The following CCDC179 variants were observed in gnomAD, a reference collection of about 807,000 sequenced individuals.
The protein encoded by CCDC179 is coiled-coil domain-containing protein 179.
A neutral mutation model predicts 12.0 loss-of-function variants in CCDC179; 17 were observed. That is an observed-to-expected ratio of 1.42 (90% confidence interval 0.97 to 2.13). The LOEUF (loss-of-function observed/expected upper bound fraction) is 2.13. CCDC179 is among the 30% of genes most tolerant of loss of function. The pLI is 0.00. For synonymous variants in CCDC179, 27 were observed against 26.4 expected (o/e 1.02, Z -0.07); for missense variants, 83 against 78.6 (o/e 1.06, Z -0.21).
intron 3 of CCDC179, among the ~76,000 whole-genome samples, chr11:22,850,794 G>GA (rs1222693954): frequency 6.6e-6 from 1 of 151,152 alleles, no homozygotes; most frequent in Non-Finnish European, 1.5e-5. Context: ...AATGAATCAA[G>GA]AGGTACAGGG....
At position 22,857,971 on chromosome 11, in the gene CCDC179, A is replaced by G. The variant is rs1858566345; in HGVS notation, c.146T>C (p.Leu49Pro). The G allele has an allele frequency of 6.5e-7, 1 of 1,529,566 alleles. No individual in the cohort carries two copies. Among genetic ancestry groups the G allele is most frequent in the South Asian group, 1.2e-5 (1 of 82,842 alleles). 94.7% of individuals were successfully genotyped at this position (1,529,566 alleles called of 1,614,324 possible). Residue 49 changes from leucine (L) to proline (P), a missense_variant, in exon 3 of 4, where the codon CTG becomes CCG. By Grantham distance (98) the Leu-to-Pro change is moderately conservative. Coordinates refer to ENST00000532798, the MANE Select transcript of CCDC179 (RefSeq NM_001195637.2). ...MQHLKKEKRR[L>P]NKRFSRPSPI... The stretch of plus-strand genomic sequence containing the variant: ...AGAAGGCCTTGAAAACCTTTTATTC[A>G]GTCTCCTCTTCTCTTTCTTTAGGTG...
At chr11:22,858,123 T>A in intron 2 of CCDC179, 97 bp from the exon 3 acceptor site, 2 of 656,186 alleles carry the variant, frequency 3.0e-6, no homozygotes, top group Non-Finnish European at 4.8e-6. Context: ...ATAAAAAAGG[T>A]AAACACCACC....
chr11:22,857,842 A>G, intron 3 of CCDC179, 80 bp downstream of exon 3: 1 of 657,974 alleles, frequency 1.5e-6, no homozygotes, highest in Non-Finnish European at 2.3e-6. Context: ...GAAAATTTAT[A>G]GTGAATATTA....
intron 3 of CCDC179, among the ~76,000 whole-genome samples, chr11:22,855,167 A>T (rs1858505015): frequency 6.6e-6 from 1 of 151,746 alleles, no homozygotes; most frequent in Non-Finnish European, 1.5e-5. Flanking sequence ...GAAAATCTGT[A>T]AGAATGTATT....
intron 3 of CCDC179, among the ~76,000 whole-genome samples, chr11:22,852,962 G>A (rs1186171856): frequency 6.6e-6 from 1 of 152,086 alleles, no homozygotes; most frequent in Non-Finnish European, 1.5e-5. Flanking sequence ...ACATCAATTA[G>A]TCTCCTGTAT....
intron 3 of CCDC179, among the ~76,000 whole-genome samples, chr11:22,850,959 TATATA>T (rs1858370131): frequency 2.3e-4 from 3 of 13,030 alleles, no homozygotes; most frequent in East Asian, 2.3e-3. Flanking sequence ...TATATATATA[TATATA>T]TATATATATA....
At chr11:22,860,307 CACAGT>C in intron 1 of CCDC179, 65 bp downstream of exon 1, 1 of 1,494,774 alleles carries the variant, frequency 6.7e-7, no homozygotes, top group East Asian at 2.5e-5. Flanking sequence ...TGGCCAAGGC[CACAGT>C]GGCCTGGAGC....
intron 2 of CCDC179, among the ~76,000 whole-genome samples, chr11:22,859,242 A>C (rs935783367): frequency 6.6e-5 from 10 of 152,190 alleles, no homozygotes; most frequent in Middle Eastern, 3.2e-3. Flanking sequence ...TATATGTGTC[A>C]AATGTTACAT....
chr11:22,847,575 A>C, intron 3 of CCDC179, 54 bp from the exon 4 acceptor site: 1 of 961,228 alleles, frequency 1.0e-6, no homozygotes, highest in Non-Finnish European at 1.5e-6. Flanking sequence ...AATTTATATA[A>C]GGAAAGATTA....
At chr11:22,857,632 T>G (rs1052465884) in intron 3 of CCDC179, among the ~76,000 whole-genome samples, 4 of 151,700 alleles carry the variant, frequency 2.6e-5, no homozygotes, top group Admixed American at 6.6e-5. Context: ...AGCCAAAAGA[T>G]TTAAGTGATT....
At chr11:22,852,135 A>G (rs987441143) in intron 3 of CCDC179, among the ~76,000 whole-genome samples, 9 of 152,308 alleles carry the variant, frequency 5.9e-5, no homozygotes, top group Non-Finnish European at 8.8e-5. Flanking sequence ...CAGGGATGAT[A>G]GCAAAGAAGA....
At chr11:22,849,564 A>G (rs1191172765) in intron 3 of CCDC179, among the ~76,000 whole-genome samples, 1 of 152,048 alleles carries the variant, frequency 6.6e-6, no homozygotes, top group East Asian at 1.9e-4. Flanking sequence ...GGTTTTGGTT[A>G]TATTCATAAG....
intron 3 of CCDC179, among the ~76,000 whole-genome samples, chr11:22,852,913 A>G (rs529055500): frequency 2.6e-5 from 4 of 152,220 alleles, no homozygotes; most frequent in Admixed American, 6.5e-5. Flanking sequence ...AATCCTAATC[A>G]TAGGCTATGG....
At chr11:22,859,974 A>AT (rs1318112029) in intron 1 of CCDC179, among the ~76,000 whole-genome samples, 1 of 152,100 alleles carries the variant, frequency 6.6e-6, no homozygotes, top group African/African-American at 2.4e-5. Flanking sequence ...CACTTCCTCT[A>AT]TTTCTTGATT....
intron 3 of CCDC179, among the ~76,000 whole-genome samples, chr11:22,850,213 A>G (rs912532913): frequency 6.6e-6 from 1 of 152,184 alleles, no homozygotes; most frequent in African/African-American, 2.4e-5. Context: ...GCTCGATTTT[A>G]TAGGCTGCCC....
chr11:22,858,426 T>G (rs1464658810), intron 2 of CCDC179, among the ~76,000 whole-genome samples: 1 of 152,034 alleles, frequency 6.6e-6, no homozygotes, highest in African/African-American at 2.4e-5. Context: ...CACACATAGC[T>G]TTTTATGCCA....
chr11:22,848,738 T>TTTTTTTG (rs1858295598), intron 3 of CCDC179, among the ~76,000 whole-genome samples: 2 of 152,142 alleles, frequency 1.3e-5, no homozygotes, highest in Admixed American at 1.3e-4. Context: ...GCAAAATGTA[T>TTTTTTTG]AAGAGATGAA....
chr11:22,858,945 A>T (rs1858598200), intron 2 of CCDC179, among the ~76,000 whole-genome samples: 1 of 152,154 alleles, frequency 6.6e-6, no homozygotes, highest in East Asian at 1.9e-4. Flanking sequence ...AATATTGAGA[A>T]AAAAGAGTAA....
At chr11:22,859,631 G>C (rs1207273594) in intron 1 of CCDC179, 135 bp from the exon 2 acceptor site, 1 of 458,366 alleles carries the variant, frequency 2.2e-6, no homozygotes, top group Non-Finnish European at 3.5e-6. Context: ...TAAGAAGCAG[G>C]TTAAAAAAAC....
Sources: allele counts gnomAD v4.1 joint callset (sites outside exome capture counted in the v4.1 genomes callset), GRCh38; gene constraint gnomAD v4.1.1; transcripts MANE v1.5; gene names NCBI Gene and HGNC (gene_info 2026-07-23, HGNC 2026-07-21).